The following DHX29 variants were observed in gnomAD, a reference collection of about 807,000 sequenced individuals.
DHX29 encodes DExH-box helicase 29, also known as ATP-dependent RNA helicase DHX29.
A neutral mutation model predicts 167.9 loss-of-function variants in DHX29; 79 were observed. That is an observed-to-expected ratio of 0.47 (90% CI 0.39 to 0.57). DHX29 has a LOEUF of 0.57. Among genes scored for constraint, DHX29 ranks in the 20% least tolerant of loss-of-function variants. The probability of loss-of-function intolerance (pLI) is 0.00; values close to 1 mark genes in which losing one functional copy is unlikely to be tolerated. For missense variants in DHX29, 1,347 were observed against 1,593.4 expected (o/e 0.85, Z 2.63); for synonymous variants, 530 against 546.0 (o/e 0.97, Z 0.41).
At chr5:55,273,465 A>C in intron 16 of DHX29, 88 bp from the exon 17 acceptor site, 1 of 1,320,316 alleles carries the variant, frequency 7.6e-7, no homozygotes, top group Non-Finnish European at 9.8e-7. Context: ...TATAGCAAGC[A>C]ACTTTAAGAT....
In DHX29 at chr5:55,297,373, T is replaced by TGCTCTA; in HGVS notation, c.281_286dup (p.Leu94_Glu95dup). 6.5e-7 allele frequency: 1 copy of TGCTCTA among 1,538,062 alleles called. No individual in the cohort carries two copies. The highest frequency in any genetic ancestry group is 1.4e-5 in the African/African-American group (1 of 73,422). On this transcript the variant is annotated inframe_insertion, in exon 3 of 27. Transcript: ENST00000251636. ...CTCATTGATCACTCCAATAATTCTT[T>TGCTCTA]GCTCTAGTTTGTTATTAATTACCAC...
At chr5:55,265,416 C>T (rs1287744253) in intron 23 of DHX29, among the ~76,000 whole-genome samples, 1 of 150,048 alleles carries the variant, frequency 6.7e-6, no homozygotes, top group African/African-American at 2.4e-5. Context: ...TTGGATTAAA[C>T]TCTCAATATA....
chr5:55,301,606 G>A (rs34462889), intron 1 of DHX29, among the ~76,000 whole-genome samples: 9,141 of 151,510 alleles, frequency 0.06, 496 homozygotes, highest in African/African-American at 0.12. Flanking sequence ...CCAGCTACTC[G>A]GGAGGCTGAG....
intron 11 of DHX29, among the ~76,000 whole-genome samples, chr5:55,281,886 A>G (rs1031183468): frequency 6.6e-6 from 1 of 151,722 alleles, no homozygotes; most frequent in Non-Finnish European, 1.5e-5. Flanking sequence ...CTTGGGTTCA[A>G]GCGATTCTCT....
intron 1 of DHX29, among the ~76,000 whole-genome samples, chr5:55,301,733 A>AAG (rs1748616433): frequency 6.6e-6 from 1 of 151,612 alleles, no homozygotes; most frequent in Non-Finnish European, 1.5e-5. Context: ...AAAAAAAAAA[A>AAG]AAACAAGAAT....
chr5:55,278,844 C>G (rs1747253084), intron 12 of DHX29, among the ~76,000 whole-genome samples: 1 of 152,160 alleles, frequency 6.6e-6, no homozygotes, highest in South Asian at 2.1e-4. Flanking sequence ...GAAACAAAAA[C>G]AATGACTTGA....
chr5:55,277,744 A>G (rs564622780), intron 12 of DHX29, among the ~76,000 whole-genome samples: 1 of 152,040 alleles, frequency 6.6e-6, no homozygotes, highest in South Asian at 2.1e-4. Flanking sequence ...TGTCTCTACT[A>G]AAAATACAAA....
At chr5:55,266,092 C>G (rs916629543) in intron 23 of DHX29, among the ~76,000 whole-genome samples, 1 of 151,768 alleles carries the variant, frequency 6.6e-6, no homozygotes, top group African/African-American at 2.4e-5. Context: ...CTCTGCCTCC[C>G]GGGTGCAAGC....
chr5:55,288,736 G>C (rs1747875972), intron 8 of DHX29, among the ~76,000 whole-genome samples: 2 of 152,176 alleles, frequency 1.3e-5, no homozygotes, highest in South Asian at 4.1e-4. Flanking sequence ...GGAGGGCTTA[G>C]GGAAGAGGAG....
At chr5:55,278,658 CAAG>C (rs1747244020) in intron 12 of DHX29, among the ~76,000 whole-genome samples, 2 of 151,812 alleles carry the variant, frequency 1.3e-5, no homozygotes, top group African/African-American at 4.8e-5. Context: ...TCCAGATGGT[CAAG>C]AAGGCTACTA....
chr5:55,294,592 G>A (rs1045372271), intron 5 of DHX29, among the ~76,000 whole-genome samples: 10 of 152,170 alleles, frequency 6.6e-5, no homozygotes, highest in African/African-American at 1.9e-4. Flanking sequence ...GGAGAATGGC[G>A]TGAAGCCAGG....
chr5:55,289,621 T>C (rs1747934298), intron 7 of DHX29, among the ~76,000 whole-genome samples, 193 bp from the exon 8 acceptor site: 1 of 152,274 alleles, frequency 6.6e-6, no homozygotes, highest in South Asian at 2.1e-4. Flanking sequence ...GTTAGGAATC[T>C]GTGCAGGAAT....
At chr5:55,273,916 A>G (rs1190767720) in intron 16 of DHX29, among the ~76,000 whole-genome samples, 1 of 151,926 alleles carries the variant, frequency 6.6e-6, no homozygotes, top group Non-Finnish European at 1.5e-5. Flanking sequence ...GTAAAACCCC[A>G]TCTCTACTAA....
At chr5:55,304,813 A>T (rs1748782668) in intron 1 of DHX29, among the ~76,000 whole-genome samples, 1 of 152,232 alleles carries the variant, frequency 6.6e-6, no homozygotes. Flanking sequence ...GTCAAATTGG[A>T]AAGATAAGGA....
intron 8 of DHX29, among the ~76,000 whole-genome samples, chr5:55,287,498 A>G (rs983341484): frequency 3.3e-5 from 5 of 152,162 alleles, no homozygotes; most frequent in Admixed American, 1.3e-4. Context: ...AATTTAAAAA[A>G]CTGACAATTT....
At chr5:55,302,156 T>C (rs921858379) in intron 1 of DHX29, among the ~76,000 whole-genome samples, 5 of 152,228 alleles carry the variant, frequency 3.3e-5, no homozygotes, top group African/African-American at 1.2e-4. Flanking sequence ...TAATCTCTCC[T>C]ATAAATTCAT....
chr5:55,305,737 T>A (rs978196415), intron 1 of DHX29, among the ~76,000 whole-genome samples: 2 of 152,026 alleles, frequency 1.3e-5, no homozygotes, highest in African/African-American at 4.8e-5. Flanking sequence ...GAAGAAAAAG[T>A]TAGTTTGGGG....
chr5:55,288,649 A>C (rs1034645878), intron 8 of DHX29, among the ~76,000 whole-genome samples: 14 of 152,196 alleles, frequency 9.2e-5, no homozygotes, highest in Non-Finnish European at 1.5e-4. Flanking sequence ...TTAACTCAAA[A>C]ATTTTTTAAA....
intron 1 of DHX29, among the ~76,000 whole-genome samples, chr5:55,302,644 G>C (rs1748663509): frequency 6.8e-6 from 1 of 148,054 alleles, no homozygotes; most frequent in South Asian, 2.2e-4. Flanking sequence ...CAGTTGAAAA[G>C]ATTAAAGTAA....
Sources: gnomAD v4.1 joint callset for allele counts (sites outside exome capture counted in the v4.1 genomes callset) on GRCh38, gnomAD v4.1.1 for gene constraint, MANE v1.5 for transcripts, NCBI Gene and HGNC (gene_info 2026-07-23, HGNC 2026-07-21) for gene names.